PAX5: variants seen among roughly 807,000 people sequenced by gnomAD.
PAX5 encodes paired box protein Pax-5.
In PAX5, 9 loss-of-function variants were observed where a neutral mutation model predicts 43.7. The ratio of observed to expected loss-of-function variants is 0.21; its 90% CI spans 0.12 to 0.36. PAX5 has a LOEUF of 0.36. Among genes scored for constraint, PAX5 ranks in the 10% least tolerant of loss-of-function variants. PAX5 has a pLI of 1.00. For synonymous variants in PAX5, 228 were observed against 214.3 expected, an observed-to-expected ratio of 1.06 and a Z score of -0.56; for missense variants, 383 against 532.7, an observed-to-expected ratio of 0.72 and a Z score of 2.77.
intron 7 of PAX5, chr9:36,923,043 G>A (rs1830303292): frequency 6.2e-6 from 2 of 321,754 alleles, no homozygotes; most frequent in Non-Finnish European, 1.1e-5. Context: ...TAAACCCTAG[G>A]CCTCTGAACA....
At chr9:36,863,875 C>T (rs538325892) in intron 8 of PAX5, among the ~76,000 whole-genome samples, 4 of 152,306 alleles carry the variant, frequency 2.6e-5, no homozygotes, top group South Asian at 2.1e-4. Context: ...CTTTGGGAGG[C>T]TAAGGTGGGC....
At chr9:36,966,418 A>G in intron 6 of PAX5, 131 bp downstream of exon 6, 3 of 959,500 alleles carry the variant, frequency 3.1e-6, no homozygotes, top group Non-Finnish European at 4.6e-6. Flanking sequence ...GGCCAAGAAC[A>G]CTGAAGAGAC....
intron 8 of PAX5, among the ~76,000 whole-genome samples, chr9:36,855,914 G>A (rs1015881028): frequency 6.6e-6 from 1 of 152,182 alleles, no homozygotes; most frequent in African/African-American, 2.4e-5. Context: ...CTCCAGGAAG[G>A]CTTTCTGGAT....
At chr9:36,877,639 C>G (rs761615605) in intron 8 of PAX5, among the ~76,000 whole-genome samples, 1 of 152,198 alleles carries the variant, frequency 6.6e-6, no homozygotes, top group African/African-American at 2.4e-5. Flanking sequence ...TCTTCAGCAC[C>G]GTCACAATTC....
chr9:36,881,192 C>A (rs1826379448), intron 8 of PAX5, among the ~76,000 whole-genome samples: 1 of 152,126 alleles, frequency 6.6e-6, no homozygotes, highest in Non-Finnish European at 1.5e-5. Flanking sequence ...ATACACTGAA[C>A]TATTTGTCTA....
intron 7 of PAX5, among the ~76,000 whole-genome samples, chr9:36,908,519 CTGA>C (rs1323072410): frequency 3.9e-5 from 6 of 152,188 alleles, no homozygotes; most frequent in African/African-American, 1.4e-4. Context: ...TTAGACTAGG[CTGA>C]TGTCTGACAT....
chr9:37,006,401 G>T, intron 4 of PAX5, 72 bp downstream of exon 4: 1 of 1,127,228 alleles, frequency 8.9e-7, no homozygotes, highest in East Asian at 2.3e-5. Context: ...CTGTCCATAA[G>T]AATGATTAAA....
At chr9:36,862,296 T>A (rs1221151802) in intron 8 of PAX5, among the ~76,000 whole-genome samples, 1 of 152,102 alleles carries the variant, frequency 6.6e-6, no homozygotes. Flanking sequence ...ACACCAGGAA[T>A]GCAGGAGGAC....
At chr9:36,885,773 T>A (rs1488740740) in intron 7 of PAX5, among the ~76,000 whole-genome samples, 1 of 152,082 alleles carries the variant, frequency 6.6e-6, no homozygotes, top group African/African-American at 2.4e-5. Context: ...GGAAGGTAAT[T>A]CTTCACCCCA....
intron 3 of PAX5, among the ~76,000 whole-genome samples, chr9:37,010,197 G>A (rs548789131): frequency 4.9e-4 from 75 of 152,292 alleles, no homozygotes; most frequent in Non-Finnish European, 9.3e-4. Context: ...GGGACAGTTG[G>A]GCTGAGTTGG....
chr9:36,971,917 T>C (rs2132225622), intron 5 of PAX5, among the ~76,000 whole-genome samples: 1 of 152,376 alleles, frequency 6.6e-6, no homozygotes, highest in South Asian at 2.1e-4. Flanking sequence ...CTCTTGTGTG[T>C]CTTAAAAGAT....
intron 5 of PAX5, among the ~76,000 whole-genome samples, chr9:36,973,687 C>T (rs537056050): frequency 7.3e-5 from 11 of 151,654 alleles, no homozygotes; most frequent in African/African-American, 1.5e-4. Context: ...GGCAACATGG[C>T]GAGACCCCCA....
intron 5 of PAX5, among the ~76,000 whole-genome samples, chr9:36,988,304 T>C (rs948374636): frequency 2.0e-5 from 3 of 152,168 alleles, no homozygotes; most frequent in Non-Finnish European, 4.4e-5. Flanking sequence ...TGAATTCCAG[T>C]TGGTATTTCT....
At chr9:36,981,785 A>C (rs1835966872) in intron 5 of PAX5, among the ~76,000 whole-genome samples, 1 of 152,250 alleles carries the variant, frequency 6.6e-6, no homozygotes. Context: ...CAGCTGTGTG[A>C]TCTTACACTT....
chr9:36,980,498 A>G (rs1359448900), intron 5 of PAX5, among the ~76,000 whole-genome samples: 1 of 152,158 alleles, frequency 6.6e-6, no homozygotes, highest in East Asian at 1.9e-4. Flanking sequence ...AGACAAAATG[A>G]CAACCCACTT....
At chr9:36,930,917 A>G (rs1399459270) in intron 6 of PAX5, 8 of 1,159,700 alleles carry the variant, frequency 6.9e-6, no homozygotes, top group Non-Finnish European at 9.3e-6. Flanking sequence ...GGCTGCACCA[A>G]GTATTGTCTC....
At chr9:36,939,802 A>AG (rs1831883761) in intron 6 of PAX5, among the ~76,000 whole-genome samples, 1 of 151,562 alleles carries the variant, frequency 6.6e-6, no homozygotes. Flanking sequence ...AGAGAGAGAA[A>AG]AAGCAAGAGA....
At chr9:36,999,670 A>G (rs1837684889) in intron 5 of PAX5, among the ~76,000 whole-genome samples, 1 of 152,140 alleles carries the variant, frequency 6.6e-6, no homozygotes, top group Non-Finnish European at 1.5e-5. Flanking sequence ...CTCTTACCCC[A>G]TGATTCTTCT....
chr9:36,950,776 T>C (rs1832936973), intron 6 of PAX5, among the ~76,000 whole-genome samples: 1 of 139,332 alleles, frequency 7.2e-6, no homozygotes, highest in Non-Finnish European at 1.5e-5. Context: ...AGTCTTGCCC[T>C]CTCATCCAGG....
Sources: allele counts gnomAD v4.1 joint callset (sites outside exome capture counted in the v4.1 genomes callset), GRCh38; gene constraint gnomAD v4.1.1; transcripts MANE v1.5; gene names NCBI Gene and HGNC (gene_info 2026-07-23, HGNC 2026-07-21).